GBF1: variants seen among roughly 807,000 people sequenced by gnomAD.
GBF1 encodes Golgi-specific brefeldin A-resistance guanine nucleotide exchange factor 1.
In GBF1, 114 loss-of-function variants were observed where a neutral mutation model predicts 210.5. The observed-to-expected ratio is 0.54, with a 90% CI of 0.47 to 0.63. GBF1 has a LOEUF of 0.63. Among genes scored for constraint, GBF1 ranks in the 30% least tolerant of loss-of-function variants. The pLI is 0.00. For synonymous variants in GBF1, 850 were observed against 889.2 expected, an observed-to-expected ratio of 0.96 and a Z score of 0.78; for missense variants, 1,851 against 2,357.7, an observed-to-expected ratio of 0.79 and a Z score of 4.45.
At chr10:102,329,095 G>T (rs1308054472) in intron 3 of GBF1, among the ~76,000 whole-genome samples, 3 of 152,178 alleles carry the variant, frequency 2.0e-5, no homozygotes, top group Non-Finnish European at 4.4e-5. Flanking sequence ...AGTAGCTCTG[G>T]TTTGTCTGTA....
At chr10:102,290,400 A>G (rs2076335294) in intron 3 of GBF1, among the ~76,000 whole-genome samples, 2 of 152,206 alleles carry the variant, frequency 1.3e-5, no homozygotes, top group Non-Finnish European at 1.5e-5. Context: ...CCAGAATGCC[A>G]TAGATTAACT....
chr10:102,267,361 C>T (rs1425281717), intron 3 of GBF1, among the ~76,000 whole-genome samples: 1 of 152,102 alleles, frequency 6.6e-6, no homozygotes, highest in Non-Finnish European at 1.5e-5. Flanking sequence ...AAAAATTAGC[C>T]AGGTGCGGTG....
chr10:102,365,363 A>C, intron 17 of GBF1, 34 bp from the exon 18 acceptor site: 1 of 1,568,502 alleles, frequency 6.4e-7, no homozygotes, highest in Non-Finnish European at 8.8e-7. Context: ...TTAGAGGCAA[A>C]GTAGCTTCTA....
chr10:102,355,289 G>C (rs887827247), intron 8 of GBF1, among the ~76,000 whole-genome samples: 1 of 152,168 alleles, frequency 6.6e-6, no homozygotes, highest in African/African-American at 2.4e-5. Context: ...TGTTCTCTTT[G>C]AATGCATTGT....
intron 3 of GBF1, among the ~76,000 whole-genome samples, chr10:102,335,832 T>G (rs917543795): frequency 2.0e-5 from 3 of 152,238 alleles, no homozygotes; most frequent in African/African-American, 7.2e-5. Flanking sequence ...GGAAGCCTGT[T>G]CTTTCTCTGA....
intron 37 of GBF1, 68 bp downstream of exon 37, chr10:102,380,430 C>A: frequency 6.3e-7 from 1 of 1,582,606 alleles, no homozygotes; most frequent in Non-Finnish European, 8.7e-7. Flanking sequence ...CCCTTTCCCC[C>A]TTGGTAGCTA....
intron 4 of GBF1, among the ~76,000 whole-genome samples, chr10:102,345,224 G>T (rs1304466646): frequency 6.8e-6 from 1 of 148,026 alleles, no homozygotes; most frequent in Non-Finnish European, 1.5e-5. Context: ...GGAGTTTGCA[G>T]AGAGCAGAGA....
At chr10:102,362,050 C>CTTTTTTTTTTTTTT (rs1164670758) in intron 14 of GBF1, 138 bp downstream of exon 14, 21 of 124,748 alleles carry the variant, frequency 1.7e-4, no homozygotes, top group South Asian at 3.0e-4. Flanking sequence ...CTTTTCTTTT[C>CTTTTTTTTTTTTTT]TTTTTTTTTT....
chr10:102,312,634 C>T (rs780923985), intron 3 of GBF1, among the ~76,000 whole-genome samples: 2 of 152,166 alleles, frequency 1.3e-5, no homozygotes, highest in Non-Finnish European at 2.9e-5. Context: ...GTTAAAAGAT[C>T]TTAGTTGGAG....
chr10:102,361,824 C>G lies in GBF1; in HGVS notation c.1598C>G (p.Pro533Arg), dbSNP rs569583197. ...GCCATTGTGCAGCTCTGGCGCATCC[C>G]CAGCTTTGTCACAGAGCTCTACATC... ...LEAIVQLWRIPSFVTELYINY... is the reference protein window; with the variant it reads ...LEAIVQLWRIRSFVTELYINY... Residue 533 changes from proline (P) to arginine (R), a missense_variant, in exon 14 of 40, where the codon CCC becomes CGC. Coordinates refer to ENST00000369983, the MANE Select transcript of GBF1 (RefSeq NM_001377137.1). 11 of 1,613,568 alleles carry G rather than the reference C, an allele frequency of 6.8e-6. No homozygotes were observed. Among genetic ancestry groups the G allele is most frequent in the Non-Finnish European group, 9.3e-6 (11 of 1,179,744 alleles).
At chr10:102,252,697 A>T (rs1013379410) in intron 1 of GBF1, among the ~76,000 whole-genome samples, 1 of 152,084 alleles carries the variant, frequency 6.6e-6, no homozygotes, top group African/African-American at 2.4e-5. Flanking sequence ...ATACAAAAAA[A>T]TTAGCCAGGC....
chr10:102,289,665 C>T (rs2076275313), intron 3 of GBF1, among the ~76,000 whole-genome samples: 1 of 152,144 alleles, frequency 6.6e-6, no homozygotes, highest in African/African-American at 2.4e-5. Context: ...GCGTAGTAGA[C>T]AATTCATAAC....
At chr10:102,341,137 G>A (rs935200837) in intron 3 of GBF1, among the ~76,000 whole-genome samples, 6 of 152,146 alleles carry the variant, frequency 3.9e-5, no homozygotes, top group Admixed American at 6.5e-5. Context: ...TTTAATAATG[G>A]ATAAAAGACT....
At chr10:102,362,707 T>G (rs1565162374) in intron 15 of GBF1, 43 bp downstream of exon 15, 1 of 1,468,156 alleles carries the variant, frequency 6.8e-7, no homozygotes, top group Non-Finnish European at 9.5e-7. Context: ...TGTTCTATGC[T>G]TATCCCTTCT....
chr10:102,231,837 A>G, the GBF1 span: 1 of 1,592,158 alleles, frequency 6.3e-7, no homozygotes, highest in Admixed American at 1.7e-5. Context: ...AAGCCAGCGC[A>G]TATTCTCCGG....
chr10:102,234,127 C>T, the GBF1 span, among the ~76,000 whole-genome samples: 2 of 152,162 alleles, frequency 1.3e-5, no homozygotes, highest in Non-Finnish European at 2.9e-5. Flanking sequence ...GGTGGATTAG[C>T]CTAGATTGAG....
chr10:102,340,878 G>A (rs183240917), intron 3 of GBF1, among the ~76,000 whole-genome samples: 392 of 152,294 alleles, frequency 2.6e-3, no homozygotes, highest in Non-Finnish European at 4.3e-3. Flanking sequence ...GAAAATGGGA[G>A]GGTGGAAATC....
At chr10:102,330,697 TAAATA>T (rs2057275398) in intron 3 of GBF1, among the ~76,000 whole-genome samples, 1 of 151,318 alleles carries the variant, frequency 6.6e-6, no homozygotes, top group Admixed American at 6.6e-5. Context: ...AAAAAAAAAA[TAAATA>T]AAAATAATAT....
intron 3 of GBF1, among the ~76,000 whole-genome samples, chr10:102,324,922 A>G (rs182662490): frequency 2.0e-5 from 3 of 152,264 alleles, no homozygotes; most frequent in Admixed American, 2.0e-4. Flanking sequence ...CATCTGCAAA[A>G]TAATATAAAA....
Sources: allele counts gnomAD v4.1 joint callset (sites outside exome capture counted in the v4.1 genomes callset), GRCh38; gene constraint gnomAD v4.1.1; transcripts MANE v1.5; gene names NCBI Gene and HGNC (gene_info 2026-07-23, HGNC 2026-07-21).